PKIA: variants seen among roughly 807,000 people sequenced by gnomAD.
PKIA encodes PKI-alpha.
Under a neutral mutation model 7.6 loss-of-function variants are expected in PKIA, and 4 were observed. That is an observed-to-expected ratio of 0.52 (90% CI 0.26 to 1.20). The LOEUF is 1.20. PKIA is among the 50% of genes most tolerant of loss of function. The pLI is 0.13. For synonymous variants in PKIA, 21 were observed against 30.7 expected (o/e 0.68, Z 1.04); for missense variants, 73 against 86.2 (o/e 0.85, Z 0.61).
chr8:78,579,102 T>C (rs1807744947), intron 2 of PKIA, among the ~76,000 whole-genome samples: 1 of 151,972 alleles, frequency 6.6e-6, no homozygotes, highest in Non-Finnish European at 1.5e-5. Flanking sequence ...CATAAGAAAC[T>C]CTTTCCACCT....
chr8:78,564,669 A>G (rs145614830), intron 1 of PKIA, among the ~76,000 whole-genome samples: 1,521 of 152,054 alleles, frequency 0.01, 32 homozygotes, highest in African/African-American at 0.035. Flanking sequence ...GAAAATCATT[A>G]TATAAAGGTG....
chr8:78,534,406 G>C lies in PKIA; in HGVS notation c.-157+17938G>C, dbSNP rs761004467. Reference sequence around the variant, plus strand: ...CTCAACATCTGCAATGCCAAAGGACGTTGTCAAGTTATTATCAGCATTCAG... The same window carrying C: ...CTCAACATCTGCAATGCCAAAGGACCTTGTCAAGTTATTATCAGCATTCAG... On this transcript the variant is annotated intron_variant, in intron 1 of 3. Coordinates refer to ENST00000396418, the MANE Select transcript of PKIA (RefSeq NM_006823.4). The C allele has an allele frequency of 2.6e-5, 4 of 152,104 alleles. No homozygotes were observed. In the East Asian group the frequency reaches 7.7e-4, roughly 29 times the overall value. The allele number at this position is 152,104 out of a possible 1,614,324, so 9.4% of individuals were successfully genotyped here. A position where few individuals can be genotyped will look rare whatever the true frequency, so the allele number is the denominator to read the frequency against.
chr8:78,589,074 G>C (rs1047016352), intron 2 of PKIA, among the ~76,000 whole-genome samples: 3 of 152,100 alleles, frequency 2.0e-5, no homozygotes, highest in Non-Finnish European at 2.9e-5. Context: ...TAATGAGGAA[G>C]AAGATAGAAT....
chr8:78,591,930 G>A (rs1370038167), intron 2 of PKIA, among the ~76,000 whole-genome samples: 1 of 152,102 alleles, frequency 6.6e-6, no homozygotes, highest in Non-Finnish European at 1.5e-5. Context: ...GTCTGCTGCT[G>A]ACATTTATTT....
At chr8:78,548,992 T>C (rs894251336) in intron 1 of PKIA, among the ~76,000 whole-genome samples, 2 of 152,074 alleles carry the variant, frequency 1.3e-5, no homozygotes, top group African/African-American at 4.8e-5. Flanking sequence ...AAAAGGTATA[T>C]GTGTTGACAT....
chr8:78,585,626 C>G (rs909670142), intron 2 of PKIA, among the ~76,000 whole-genome samples: 1 of 152,038 alleles, frequency 6.6e-6, no homozygotes. Flanking sequence ...TATAAATTGG[C>G]AGTGATTATG....
In PKIA at chr8:78,578,788, G is replaced by A. The variant is rs564305397; in HGVS notation, c.-28+5849G>A. Among the ~76,000 whole-genome samples the A allele has an allele frequency of 1.7e-3, 255 of 151,800 alleles. 1 individual carries two copies. Among genetic ancestry groups the A allele is most frequent in the African/African-American group, 5.9e-3 (243 of 41,430 alleles). Reference sequence around the variant, plus strand: ...CTAAAACTCATTCTTGGCCCTCTACGGTTTTCTGTCTGTGCACATGAGTTT... The same window carrying A: ...CTAAAACTCATTCTTGGCCCTCTACAGTTTTCTGTCTGTGCACATGAGTTT... On this transcript the variant is annotated intron_variant, in intron 2 of 3. Transcript: ENST00000396418.
At chr8:78,526,086 T>C (rs1457708733) in intron 1 of PKIA, among the ~76,000 whole-genome samples, 2 of 152,094 alleles carry the variant, frequency 1.3e-5, no homozygotes, top group African/African-American at 4.8e-5. Context: ...ACTGACAATT[T>C]ACACAGCCAG....
At chr8:78,543,079 C>T (rs1397634584) in intron 1 of PKIA, among the ~76,000 whole-genome samples, 1 of 152,132 alleles carries the variant, frequency 6.6e-6, no homozygotes, top group African/African-American at 2.4e-5. Flanking sequence ...CGCAAATATA[C>T]GTGTGCCCAA....
Position 78,516,392 on chromosome 8 carries a change from G to C in PKIA, c.-233G>C, listed in dbSNP as rs144942806. Reference sequence around the variant, plus strand: ...GGGCGCGGGCCGGCGCGAGCTGACCGAGCACTCGGCGGGCGCGGCGGGACT... The same window carrying C: ...GGGCGCGGGCCGGCGCGAGCTGACCCAGCACTCGGCGGGCGCGGCGGGACT... On this transcript the variant is annotated 5_prime_UTR_variant, in exon 1 of 4. Coordinates refer to ENST00000396418, the MANE Select transcript of PKIA (RefSeq NM_006823.4). 0.016 allele frequency: 2,466 copies of C among 152,528 alleles called. 41 individuals carry two copies. Among genetic ancestry groups the C allele is most frequent in the Middle Eastern group, 0.044 (13 of 296 alleles). 9.4% of individuals were successfully genotyped at this position (152,528 alleles called of 1,614,324 possible).
chr8:78,563,685 G>A (rs1388949927), intron 1 of PKIA, among the ~76,000 whole-genome samples: 1 of 152,020 alleles, frequency 6.6e-6, no homozygotes, highest in Admixed American at 6.6e-5. Context: ...AGTGAGGGAA[G>A]CCAGAAGAAA....
intron 2 of PKIA, among the ~76,000 whole-genome samples, chr8:78,580,800 T>A (rs897985604): frequency 6.6e-6 from 1 of 152,016 alleles, no homozygotes; most frequent in Admixed American, 6.6e-5. Context: ...AGTTGAAGTA[T>A]GATATAGGCA....
At chr8:78,555,950 G>A (rs1440190733) in intron 1 of PKIA, among the ~76,000 whole-genome samples, 1 of 152,008 alleles carries the variant, frequency 6.6e-6, no homozygotes, top group East Asian at 1.9e-4. Context: ...GGGTAAAGGG[G>A]TTTGGTCTGA....
chr8:78,553,688 A>G (rs1444392214), intron 1 of PKIA, among the ~76,000 whole-genome samples: 1 of 150,716 alleles, frequency 6.6e-6, no homozygotes, highest in African/African-American at 2.4e-5. Flanking sequence ...AGACAGATGT[A>G]ATATGCCGCA....
chr8:78,552,681 C>A (rs1029521336), intron 1 of PKIA, among the ~76,000 whole-genome samples: 1 of 151,952 alleles, frequency 6.6e-6, no homozygotes, highest in African/African-American at 2.4e-5. Context: ...TGAATTAAAT[C>A]GTGAAAAGAC....
At position 78,597,080 on chromosome 8, in the gene PKIA, A is replaced by T. The variant is rs928681643; in HGVS notation, c.-27-1278A>T. Among the ~76,000 whole-genome samples the T allele has an allele frequency of 2.0e-4, 31 of 152,236 alleles. No homozygotes were observed. In the South Asian group the frequency reaches 2.3e-3, roughly 11 times the overall value. On this transcript the variant is annotated intron_variant, in intron 2 of 3. Coordinates refer to ENST00000396418, the MANE Select transcript of PKIA (RefSeq NM_006823.4). ...CAGTATCATGCTGTTTTAGGTTCCC[A>T]TAGCCTTGTAGTATAGCTTAAGTTT...
intron 1 of PKIA, among the ~76,000 whole-genome samples, chr8:78,550,733 A>G (rs1371552887): frequency 1.3e-5 from 2 of 151,806 alleles, no homozygotes; most frequent in Non-Finnish European, 2.9e-5. Context: ...TTTAGTGGTG[A>G]TTTGTGAGAT....
At chr8:78,561,690 T>C (rs745999827) in intron 1 of PKIA, among the ~76,000 whole-genome samples, 2 of 152,196 alleles carry the variant, frequency 1.3e-5, no homozygotes, top group Non-Finnish European at 2.9e-5. Flanking sequence ...TGAGTCCAAA[T>C]ACTGCTTCCA....
At chr8:78,574,041 A>T (rs1021629126) in intron 2 of PKIA, among the ~76,000 whole-genome samples, 2 of 151,974 alleles carry the variant, frequency 1.3e-5, no homozygotes, top group Non-Finnish European at 2.9e-5. Flanking sequence ...CCTTCATTAG[A>T]TGTACTATTC....
Sources: gnomAD v4.1 joint callset for allele counts (sites outside exome capture counted in the v4.1 genomes callset) on GRCh38, gnomAD v4.1.1 for gene constraint, MANE v1.5 for transcripts, NCBI Gene and HGNC (gene_info 2026-07-23, HGNC 2026-07-21) for gene names.